DAB1: variants seen among roughly 807,000 people sequenced by gnomAD.
The protein encoded by DAB1 is disabled homolog 1.
Under a neutral mutation model 64.6 loss-of-function variants are expected in DAB1, and 15 were observed. The ratio of observed to expected loss-of-function variants is 0.23; its 90% CI spans 0.16 to 0.36. DAB1 has a LOEUF of 0.36. DAB1 is among the 10% of genes least tolerant of loss of function. The probability of loss-of-function intolerance (pLI) is 1.00; values close to 1 mark genes in which losing one functional copy is unlikely to be tolerated. For synonymous variants in DAB1, 235 were observed against 251.9 expected (o/e 0.93, Z 0.64); for missense variants, 596 against 706.7 (o/e 0.84, Z 1.78).
chr1:57,727,959 A>G (rs574342797), intron 6 of DAB1, among the ~76,000 whole-genome samples: 1 of 152,262 alleles, frequency 6.6e-6, no homozygotes, highest in South Asian at 2.1e-4. Flanking sequence ...TGTCAGACAG[A>G]TGTAGGAGGA....
chr1:57,727,865 T>C (rs567462007), intron 6 of DAB1, among the ~76,000 whole-genome samples: 1 of 152,118 alleles, frequency 6.6e-6, no homozygotes, highest in African/African-American at 2.4e-5. Context: ...TTTCACAATA[T>C]CTGGCTCAGC....
intron 7 of DAB1, among the ~76,000 whole-genome samples, chr1:57,596,924 T>C (rs1277316442): frequency 6.6e-6 from 1 of 152,226 alleles, no homozygotes; most frequent in Non-Finnish European, 1.5e-5. Context: ...TAATTACCAA[T>C]GTTTACATTC....
chr1:57,440,272 T>C lies in DAB1; in HGVS notation n.626-149106A>G, dbSNP rs1414829103. On this transcript the variant is annotated intron_variant and non_coding_transcript_variant, in intron 7 of 20. Coordinates refer to the DAB1 transcript ENST00000485760. The stretch of plus-strand genomic sequence containing the variant: ...TGGATCCCCCACTGAGATTGTAATC[T>C]CTTAGAGTAGATGCTAAGCTGCTTA... Among the ~76,000 whole-genome samples, 6 of 152,228 alleles carry C rather than the reference T, an allele frequency of 3.9e-5. No individual in the cohort carries two copies. The East Asian group carries it at 1.2e-3, about 29-fold the overall frequency.
chr1:57,424,311 G>A (rs1421704882), upstream of DAB1, among the ~76,000 whole-genome samples: 3 of 151,514 alleles, frequency 2.0e-5, no homozygotes, highest in Non-Finnish European at 4.4e-5. Context: ...CCGAGTGGCG[G>A]TGGCGACGAG....
intron 9 of DAB1, among the ~76,000 whole-genome samples, chr1:57,061,928 C>T (rs77748442): frequency 0.019 from 2,884 of 152,260 alleles, 102 homozygotes; most frequent in African/African-American, 0.067. Context: ...AGCACCTTCT[C>T]TGTCCACACA....
chr1:57,277,963 T>G (rs534625217), intron 2 of DAB1, among the ~76,000 whole-genome samples: 2 of 152,304 alleles, frequency 1.3e-5, no homozygotes, highest in African/African-American at 4.8e-5. Context: ...GCTGAAAGAC[T>G]CAAGTGATGA....
intron 8 of DAB1, 98 bp from the exon 9 acceptor site, chr1:57,063,041 C>T: frequency 1.9e-6 from 2 of 1,033,744 alleles, no homozygotes; most frequent in South Asian, 2.8e-5. Flanking sequence ...GCTAAGGGTG[C>T]CTGAGAATGG....
chr1:57,500,705 A>C (rs1644280624), intron 7 of DAB1, among the ~76,000 whole-genome samples: 1 of 152,218 alleles, frequency 6.6e-6, no homozygotes, highest in Non-Finnish European at 1.5e-5. Flanking sequence ...ACATAGAAAA[A>C]TCCAGCTCTT....
intron 6 of DAB1, among the ~76,000 whole-genome samples, chr1:57,678,725 A>G (rs1025308907): frequency 1.3e-5 from 2 of 148,978 alleles, no homozygotes; most frequent in African/African-American, 2.5e-5. Flanking sequence ...AGTATTTTCC[A>G]TGTATCTTCT....
intron 6 of DAB1, among the ~76,000 whole-genome samples, chr1:57,718,957 T>C (rs1323936134): frequency 6.7e-6 from 1 of 150,344 alleles, no homozygotes; most frequent in South Asian, 2.1e-4. Flanking sequence ...AGCTCACCAG[T>C]AAAAGGAAAA....
At chr1:57,845,005 T>C (rs192708300) in intron 1 of DAB1, among the ~76,000 whole-genome samples, 9 of 152,308 alleles carry the variant, frequency 5.9e-5, no homozygotes, top group Admixed American at 5.2e-4. Context: ...GGTACTTTCA[T>C]TAAAGTAACT....
rs538258417 is a variant in DAB1, at chr1:57,461,596, C to G, written n.626-170430G>C. Among the ~76,000 whole-genome samples, 68 of 152,294 alleles carry G rather than the reference C, an allele frequency of 4.5e-4. No homozygotes were observed. The South Asian group carries it at 9.5e-3, about 21-fold the overall frequency. Reference sequence around the variant, plus strand: ...TTTCTGGAAAACATCATGCTATTTGCTGACCCTGTGTGTTTGCCCAGGCTG... The same window carrying G: ...TTTCTGGAAAACATCATGCTATTTGGTGACCCTGTGTGTTTGCCCAGGCTG... On this transcript the variant is annotated intron_variant and non_coding_transcript_variant, in intron 7 of 20. Transcript: ENST00000485760.
At chr1:58,213,641 T>G (rs1175054791) in intron 4 of DAB1, among the ~76,000 whole-genome samples, 4 of 152,114 alleles carry the variant, frequency 2.6e-5, no homozygotes, top group Admixed American at 2.6e-4. Flanking sequence ...ACCTGGGGAT[T>G]ATGGGAACTA....
chr1:57,125,881 T>C (rs1338619200), intron 4 of DAB1, among the ~76,000 whole-genome samples: 1 of 152,088 alleles, frequency 6.6e-6, no homozygotes, highest in Non-Finnish European at 1.5e-5. Context: ...AATCAAAGGC[T>C]TATAGGCATA....
At chr1:57,057,816 GC>G (rs1649965503) in intron 9 of DAB1, among the ~76,000 whole-genome samples, 2 of 151,846 alleles carry the variant, frequency 1.3e-5, no homozygotes, top group African/African-American at 2.4e-5. Context: ...CACTGTATTA[GC>G]CAGGATGGTC....
rs116170873 is a variant in DAB1 at position 57,023,260 on chromosome 1, A to G, written c.895+271T>C. Among the ~76,000 whole-genome samples, 821 of 152,348 alleles carry G rather than the reference A, an allele frequency of 5.4e-3. 13 individuals carry two copies. The highest frequency in any genetic ancestry group is 0.019 in the African/African-American group (777 of 41,584). On this transcript the variant is annotated intron_variant, in intron 11 of 14. Coordinates refer to ENST00000371236, the MANE Select transcript of DAB1 (RefSeq NM_001365792.1). ...ACTTGGGCTAATTGCACAGCTGTGC[A>G]TATGCCATGCTCCCAAAAGCTGCAC...
chr1:57,320,618 A>T (rs1302142919), intron 1 of DAB1, among the ~76,000 whole-genome samples: 1 of 152,158 alleles, frequency 6.6e-6, no homozygotes, highest in Admixed American at 6.5e-5. Context: ...ATGTTCACAC[A>T]TTATGGGATT....
chr1:58,183,239 A>G (rs1396007142), intron 4 of DAB1, among the ~76,000 whole-genome samples: 2 of 152,046 alleles, frequency 1.3e-5, no homozygotes, highest in African/African-American at 4.8e-5. Flanking sequence ...TTCAACCTTC[A>G]GGCAGTTTAC....
At position 57,413,104 on chromosome 1, in the gene DAB1, A is replaced by G. The variant is rs145679784; in HGVS notation, c.-137+10826T>C. Among the ~76,000 whole-genome samples the G allele has an allele frequency of 2.5e-3, 375 of 152,312 alleles. 1 individual carries two copies. Among genetic ancestry groups the G allele is most frequent in the African/African-American group, 8.8e-3 (367 of 41,582 alleles). On this transcript the variant is annotated intron_variant, in intron 1 of 14. Transcript: ENST00000371236. ...CTGCCTGTACTCTAAAAATGGAACA[A>G]TGAAGCCTGAATAACAGAACATCTG...
Sources: gnomAD v4.1 joint callset for allele counts (sites outside exome capture counted in the v4.1 genomes callset) on GRCh38, gnomAD v4.1.1 for gene constraint, MANE v1.5 for transcripts, NCBI Gene and HGNC (gene_info 2026-07-23, HGNC 2026-07-21) for gene names.